The following RAB3D variants were observed in gnomAD, a reference collection of about 807,000 sequenced individuals.
RAB3D encodes ras-related protein Rab-3D.
RAB3D carries 17 observed loss-of-function variants against 19.3 expected under a neutral mutation model. That is an observed-to-expected ratio of 0.88 (90% confidence interval 0.60 to 1.32). The LOEUF is 1.32. Ranked by LOEUF, RAB3D falls within the 40% of genes most tolerant of loss-of-function variation. The probability of loss-of-function intolerance (pLI) is 0.00; values close to 1 mark genes in which losing one functional copy is unlikely to be tolerated. For synonymous variants in RAB3D, 103 were observed against 119.9 expected (o/e 0.86, Z 0.92); for missense variants, 223 against 299.1 (o/e 0.75, Z 1.88).
At chr19:11,335,382 C>T in intron 4 of RAB3D, 65 bp downstream of exon 4, 2 of 1,594,618 alleles carry the variant, frequency 1.3e-6, no homozygotes, top group Non-Finnish European at 1.7e-6. Flanking sequence ...GACCCTGAAT[C>T]AGAGGATGGG....
chr19:11,325,337 C>A lies in RAB3D; in HGVS notation c.*61G>T, dbSNP rs894150307. On this transcript the variant is annotated 3_prime_UTR_variant, in exon 5 of 5. Transcript: ENST00000222120. ...GCTTGGAGATAACCACTGTGGCTCA[C>A]GCCTCGATCACAGTCCCTGCCGAGG... 8.7e-7 allele frequency: 1 copy of A among 1,149,530 alleles called. No homozygotes were observed. Among genetic ancestry groups the A allele is most frequent in the South Asian group, 1.4e-5 (1 of 70,780 alleles). The allele number at this position is 1,149,530 out of a possible 1,614,324, so 71.2% of individuals were successfully genotyped here. A position where few individuals can be genotyped will look rare whatever the true frequency, so the allele number is the denominator to read the frequency against.
At chr19:11,327,241 GA>G (rs2080818548) in intron 4 of RAB3D, among the ~76,000 whole-genome samples, 1 of 142,386 alleles carries the variant, frequency 7.0e-6, no homozygotes, top group African/African-American at 2.5e-5. Flanking sequence ...CTGAATGGTT[GA>G]ATGAATGAAT....
intron 1 of RAB3D, among the ~76,000 whole-genome samples, chr19:11,338,782 T>A (rs1338159934): frequency 6.6e-6 from 1 of 152,106 alleles, no homozygotes; most frequent in East Asian, 1.9e-4. Context: ...TTCCAGGCAA[T>A]CTGTCCCACG....
chr19:11,326,727 CT>C (rs2080815498), intron 4 of RAB3D: 1 of 687,928 alleles, frequency 1.5e-6, no homozygotes, highest in Non-Finnish European at 2.6e-6. Flanking sequence ...CCTTGGCCCC[CT>C]GAGTAGCTGG....
At position 11,324,267 on chromosome 19, in the gene RAB3D, A is replaced by T. The variant is rs1254995557; in HGVS notation, c.*1131T>A. ...CCAGACCATCTCAAAAAGAAAAAAAAAAAAAAAGAAGTGACTCCTCCATTA... is the reference window on the plus strand; with the variant it reads ...CCAGACCATCTCAAAAAGAAAAAAATAAAAAAAGAAGTGACTCCTCCATTA... On this transcript the variant is annotated 3_prime_UTR_variant, in exon 5 of 5. Coordinates refer to ENST00000222120, the MANE Select transcript of RAB3D (RefSeq NM_004283.4). 1 of 153,204 alleles carries T rather than the reference A, an allele frequency of 6.5e-6. No homozygotes were observed. Among genetic ancestry groups the T allele is most frequent in the Non-Finnish European group, 1.4e-5 (1 of 69,000 alleles). The allele number at this position is 153,204 out of a possible 1,614,324, so 9.5% of individuals were successfully genotyped here. A position where few individuals can be genotyped will look rare whatever the true frequency, so the allele number is the denominator to read the frequency against.
rs112998115 is a variant in RAB3D at position 11,333,693 on chromosome 19, C to CT, written c.472+1753dup. ...TTGCAAGCATCAGTTTCTTTCTTTCCTTTTTTTTTTTTTCTTTTGAGACAG... is the reference window on the plus strand; with the variant it reads ...TTGCAAGCATCAGTTTCTTTCTTTCCTTTTTTTTTTTTTTCTTTTGAGACAG... On this transcript the variant is annotated intron_variant, in intron 4 of 4. Transcript: ENST00000222120. Among the ~76,000 whole-genome samples, 595 of 143,334 alleles carry CT rather than the reference C, an allele frequency of 4.2e-3. 2 individuals carry two copies. The highest frequency in any genetic ancestry group is 6.2e-3 in the African/African-American group (243 of 39,352). 94.0% of individuals were successfully genotyped at this position (143,334 alleles called of 152,430 possible). A position where few individuals can be genotyped will look rare whatever the true frequency, so the allele number is the denominator to read the frequency against.
rs971258979 is a variant in RAB3D, at chr19:11,325,158, C to G, written c.*240G>C. On this transcript the variant is annotated 3_prime_UTR_variant, in exon 5 of 5. Coordinates refer to ENST00000222120, the MANE Select transcript of RAB3D (RefSeq NM_004283.4). Reference sequence around the variant, plus strand: ...AGCAAGCTCATGCACGTCAGTGTCCCTGGGCCTCTGCCTGCCATGCAGAGC... The same window carrying G: ...AGCAAGCTCATGCACGTCAGTGTCCGTGGGCCTCTGCCTGCCATGCAGAGC... 8.4e-6 allele frequency: 4 copies of G among 473,428 alleles called. No individual in the cohort carries two copies. The highest frequency in any genetic ancestry group is 5.8e-5 in the African/African-American group (3 of 51,388). The allele number at this position is 473,428 out of a possible 1,614,324, so 29.3% of individuals were successfully genotyped here.
intron 4 of RAB3D, among the ~76,000 whole-genome samples, chr19:11,332,579 C>G (rs779770883): frequency 6.6e-6 from 1 of 152,146 alleles, no homozygotes; most frequent in Non-Finnish European, 1.5e-5. Context: ...TCCTGGGCTT[C>G]AGCGATCTAC....
At chr19:11,333,876 A>G (rs979698186) in intron 4 of RAB3D, among the ~76,000 whole-genome samples, 4 of 151,430 alleles carry the variant, frequency 2.6e-5, no homozygotes, top group African/African-American at 9.7e-5. Context: ...GTGCATTTTT[A>G]GTAGAGACGG....
chr19:11,328,515 C>T (rs531563108), intron 4 of RAB3D, among the ~76,000 whole-genome samples: 124 of 151,258 alleles, frequency 8.2e-4, no homozygotes, highest in African/African-American at 2.8e-3. Flanking sequence ...TGTGTGGTGG[C>T]ACGTGCCTGC....
At position 11,335,522 on chromosome 19, in the gene RAB3D, C is replaced by T. The variant is rs1302553888; in HGVS notation, c.397G>A (p.Val133Met). 2 of 1,614,198 alleles carry T rather than the reference C, an allele frequency of 1.2e-6. No homozygotes were observed. The highest frequency in any genetic ancestry group is 1.1e-5 in the South Asian group (1 of 91,088). ...YSWDNAQVIL[V>M]GNKCDLEDER... ...TCCTCCAGGTCACACTTGTTCCCCA[C>T]CAGGATGACCTGGGCGTTGTCCCAG... Residue 133 changes from valine to methionine, a missense_variant, in exon 4 of 5, where the codon GTG becomes ATG. Val to Met is a conservative substitution (Grantham distance 21). Coordinates refer to ENST00000222120, the MANE Select transcript of RAB3D (RefSeq NM_004283.4).
intron 4 of RAB3D, 141 bp from the exon 5 acceptor site, chr19:11,325,726 C>A: frequency 1.4e-6 from 1 of 723,508 alleles, no homozygotes; most frequent in Non-Finnish European, 2.2e-6. Context: ...TTTGCCACTC[C>A]AAGCCTCAGT....
chr19:11,328,351 A>G (rs559053189), intron 4 of RAB3D, among the ~76,000 whole-genome samples: 103 of 149,346 alleles, frequency 6.9e-4, no homozygotes, highest in South Asian at 1.5e-3. Flanking sequence ...AAAAAAAAAA[A>G]AAGAAGAAGG....
intron 2 of RAB3D, among the ~76,000 whole-genome samples, chr19:11,336,815 A>G (rs948828912): frequency 3.3e-5 from 5 of 151,696 alleles, no homozygotes; most frequent in Non-Finnish European, 7.4e-5. Context: ...TTAAAAGTAT[A>G]AAAAATTAGC....
chr19:11,324,053 A>C lies in RAB3D; in HGVS notation c.*1345T>G, dbSNP rs907337015. 1 of 152,064 alleles carries C rather than the reference A, an allele frequency of 6.6e-6. No homozygotes were observed. Among genetic ancestry groups the C allele is most frequent in the Non-Finnish European group, 1.5e-5 (1 of 68,098 alleles). The allele number at this position is 152,064 out of a possible 1,614,324, so 9.4% of individuals were successfully genotyped here. On this transcript the variant is annotated 3_prime_UTR_variant, in exon 5 of 5. Transcript: ENST00000222120. ...GACTCCCCGGCACTGATCACAGTCCATCCCCCCCATTCACATAAGGTCCTG... is the reference window on the plus strand; with the variant it reads ...GACTCCCCGGCACTGATCACAGTCCCTCCCCCCCATTCACATAAGGTCCTG...
At chr19:11,328,207 A>T (rs1048830988) in intron 4 of RAB3D, among the ~76,000 whole-genome samples, 1 of 151,512 alleles carries the variant, frequency 6.6e-6, no homozygotes, top group Non-Finnish European at 1.5e-5. Flanking sequence ...GGTGGTGCAC[A>T]CCTGTGATCC....
intron 4 of RAB3D, among the ~76,000 whole-genome samples, chr19:11,329,731 GA>G (rs1462827757): frequency 6.6e-6 from 1 of 151,586 alleles, no homozygotes; most frequent in African/African-American, 2.4e-5. Flanking sequence ...ACCCAGGCTG[GA>G]ACGCAATGGC....
Position 11,325,283 on chromosome 19 carries a change from A to G in RAB3D, c.*115T>C. On this transcript the variant is annotated 3_prime_UTR_variant, in exon 5 of 5. Coordinates refer to ENST00000222120, the MANE Select transcript of RAB3D (RefSeq NM_004283.4). ...ATGAGCCATGCAGGAGTCGGGGAGC[A>G]GTTGACAGGAGGGAAGGGATTGCCC... 2 of 667,526 alleles carry G rather than the reference A, an allele frequency of 3.0e-6. No homozygotes were observed. The highest frequency in any genetic ancestry group is 5.0e-6 in the Non-Finnish European group (2 of 399,064). The allele number at this position is 667,526 out of a possible 1,614,324, so 41.4% of individuals were successfully genotyped here. A position where few individuals can be genotyped will look rare whatever the true frequency, so the allele number is the denominator to read the frequency against.
intron 2 of RAB3D, among the ~76,000 whole-genome samples, chr19:11,336,864 G>C (rs1424010308): frequency 2.0e-5 from 3 of 151,690 alleles, no homozygotes; most frequent in Admixed American, 6.6e-5. Context: ...CAGCTACTCG[G>C]GAGACTGAGG....
Sources: gnomAD v4.1 joint callset for allele counts (sites outside exome capture counted in the v4.1 genomes callset) on GRCh38, gnomAD v4.1.1 for gene constraint, MANE v1.5 for transcripts, NCBI Gene and HGNC (gene_info 2026-07-23, HGNC 2026-07-21) for gene names.